THEMIS: variants seen among roughly 807,000 people sequenced by gnomAD.
THEMIS encodes the protein protein THEMIS.
THEMIS carries 37 observed loss-of-function variants against 52.6 expected under a neutral mutation model. The ratio of observed to expected loss-of-function variants is 0.70; its 90% CI spans 0.54 to 0.93. THEMIS has a LOEUF of 0.93. Ranked by LOEUF, THEMIS falls within the 40% of genes least tolerant of loss-of-function variation. THEMIS has a pLI of 0.00. For missense variants in THEMIS, 808 were observed against 763.1 expected (o/e 1.06, Z -0.69); for synonymous variants, 292 against 272.7 (o/e 1.07, Z -0.70).
At chr6:127,796,089 A>T (rs1777322019) in intron 4 of THEMIS, among the ~76,000 whole-genome samples, 1 of 152,222 alleles carries the variant, frequency 6.6e-6, no homozygotes, top group Non-Finnish European at 1.5e-5. Flanking sequence ...ATTATAGTGG[A>T]TCTGATTTCA....
intron 1 of THEMIS, among the ~76,000 whole-genome samples, chr6:127,867,390 T>C (rs187248057): frequency 3.0e-3 from 463 of 152,256 alleles, no homozygotes; most frequent in African/African-American, 0.01. Context: ...ACAAGGTTTC[T>C]ATTGAATTAT....
chr6:127,696,955 T>G, the THEMIS span, among the ~76,000 whole-genome samples: 55,051 of 151,872 alleles, frequency 0.36, 11,775 homozygotes, highest in Non-Finnish European at 0.5. Context: ...CTTCAATATA[T>G]GATTTTGGAC....
At chr6:127,876,089 G>T (rs1022476898) in intron 1 of THEMIS, among the ~76,000 whole-genome samples, 1 of 152,152 alleles carries the variant, frequency 6.6e-6, no homozygotes, top group Non-Finnish European at 1.5e-5. Flanking sequence ...AACTCAAGAA[G>T]AATATATTGG....
Position 127,709,320 on chromosome 6 carries a change from A to G in THEMIS, c.*665T>C, listed in dbSNP as rs1583184433. ...GACATCGTCTCAGAAATCTGGTGAAATTTCAGTCATGAGCTTGTTGTTGGG... is the reference window on the plus strand; with the variant it reads ...GACATCGTCTCAGAAATCTGGTGAAGTTTCAGTCATGAGCTTGTTGTTGGG... On this transcript the variant is annotated 3_prime_UTR_variant, in exon 6 of 6. Transcript: ENST00000368248. 1 of 152,178 alleles carries G rather than the reference A, an allele frequency of 6.6e-6. No homozygotes were observed. The highest frequency in any genetic ancestry group is 1.9e-4 in the East Asian group (1 of 5,168). 9.4% of individuals were successfully genotyped at this position (152,178 alleles called of 1,614,324 possible). A position where few individuals can be genotyped will look rare whatever the true frequency, so the allele number is the denominator to read the frequency against.
chr6:127,720,525 C>A (rs997135282), intron 4 of THEMIS, among the ~76,000 whole-genome samples: 3 of 151,868 alleles, frequency 2.0e-5, no homozygotes, highest in Non-Finnish European at 4.4e-5. Flanking sequence ...TTAATTCATA[C>A]CCAAGTCCAG....
chr6:127,742,274 C>T (rs1775227741), intron 4 of THEMIS, among the ~76,000 whole-genome samples: 4 of 146,554 alleles, frequency 2.7e-5, no homozygotes, highest in African/African-American at 1.0e-4. Flanking sequence ...GAGATCATGC[C>T]ACTGCACTCC....
chr6:127,780,063 T>C (rs1459059288), intron 4 of THEMIS, among the ~76,000 whole-genome samples: 1 of 152,204 alleles, frequency 6.6e-6, no homozygotes, highest in Non-Finnish European at 1.5e-5. Context: ...AAGAACTTGC[T>C]TTATGAATCT....
chr6:127,818,529 A>T (rs1778213982), intron 3 of THEMIS, among the ~76,000 whole-genome samples: 1 of 151,242 alleles, frequency 6.6e-6, no homozygotes, highest in African/African-American at 2.4e-5. Context: ...TAATATATCA[A>T]GTTAAGACAA....
At chr6:127,811,043 C>T (rs1260530396) in intron 4 of THEMIS, among the ~76,000 whole-genome samples, 1 of 151,964 alleles carries the variant, frequency 6.6e-6, no homozygotes, top group African/African-American at 2.4e-5. Context: ...AAAGCAAAAA[C>T]AAACAAACAA....
At chr6:127,748,206 A>G (rs1775514864) in intron 4 of THEMIS, among the ~76,000 whole-genome samples, 1 of 152,062 alleles carries the variant, frequency 6.6e-6, no homozygotes, top group South Asian at 2.1e-4. Flanking sequence ...TTCTGTTGCT[A>G]TAACAGTACC....
chr6:127,911,983 T>A (rs1781422913), intron 1 of THEMIS, among the ~76,000 whole-genome samples: 1 of 152,104 alleles, frequency 6.6e-6, no homozygotes, highest in Admixed American at 6.5e-5. Context: ...TCAGTTTGTC[T>A]GATGTTTTTC....
At chr6:127,776,758 G>T (rs1389288599) in intron 4 of THEMIS, among the ~76,000 whole-genome samples, 2 of 152,132 alleles carry the variant, frequency 1.3e-5, no homozygotes, top group Non-Finnish European at 2.9e-5. Flanking sequence ...ATACTTCTTG[G>T]TGAATGTTCT....
At chr6:127,740,214 C>T (rs1365764026) in intron 4 of THEMIS, among the ~76,000 whole-genome samples, 2 of 151,808 alleles carry the variant, frequency 1.3e-5, no homozygotes, top group African/African-American at 4.8e-5. Flanking sequence ...CAGGTGGGAA[C>T]AAAGGACATT....
rs1298841545 is a variant in THEMIS, at chr6:127,708,536, TGTTAG to T, written c.*1444_*1448del. 6.6e-6 allele frequency: 1 copy of T among 152,130 alleles called. No individual in the cohort carries two copies. Among genetic ancestry groups the T allele is most frequent in the Non-Finnish European group, 1.5e-5 (1 of 68,004 alleles). The allele number at this position is 152,130 out of a possible 1,614,324, so 9.4% of individuals were successfully genotyped here. A position where few individuals can be genotyped will look rare whatever the true frequency, so the allele number is the denominator to read the frequency against. ...CACCTATGGTGCAGTTTGTCAAGGC[TGTTAG>T]GTTAAGATTCGCTGTGGCCTTCAAT... On this transcript the variant is annotated 3_prime_UTR_variant, in exon 6 of 6. Coordinates refer to ENST00000368248, the MANE Select transcript of THEMIS (RefSeq NM_001010923.3).
chr6:127,894,821 GTAAC>G (rs1780915217), intron 1 of THEMIS, among the ~76,000 whole-genome samples: 1 of 151,320 alleles, frequency 6.6e-6, no homozygotes, highest in Non-Finnish European at 1.5e-5. Context: ...CAAAATTTAT[GTAAC>G]TCATTTTCGG....
At chr6:127,851,467 T>C (rs908851119) in intron 2 of THEMIS, among the ~76,000 whole-genome samples, 1 of 151,386 alleles carries the variant, frequency 6.6e-6, no homozygotes, top group Non-Finnish European at 1.5e-5. Flanking sequence ...ACCCCAAATA[T>C]GTAAAGAATT....
intron 4 of THEMIS, among the ~76,000 whole-genome samples, chr6:127,787,764 A>G (rs1339921018): frequency 6.6e-6 from 1 of 152,114 alleles, no homozygotes; most frequent in African/African-American, 2.4e-5. Flanking sequence ...TCTACTAACT[A>G]TATTTATAAG....
rs1330680289 is a variant in THEMIS at position 127,898,206 on chromosome 6, G to T, written c.91+2636C>A. 2.0e-5 allele frequency among the ~76,000 whole-genome samples: 3 copies of T among 151,674 alleles called. No individual in the cohort carries two copies. In the East Asian group the frequency reaches 5.8e-4, roughly 29 times the overall value. ...AGTTACATGAATGTGTTTACACTGT[G>T]AAAATGATCAAGGTATTTAGTTTTT... On this transcript the variant is annotated intron_variant, in intron 1 of 5. Coordinates refer to ENST00000368248, the MANE Select transcript of THEMIS (RefSeq NM_001010923.3).
At chr6:127,828,376 T>G (rs1778580014) in intron 3 of THEMIS, among the ~76,000 whole-genome samples, 2 of 152,194 alleles carry the variant, frequency 1.3e-5, no homozygotes, top group Admixed American at 1.3e-4. Context: ...TTGCCTCAAT[T>G]TTTTGTAATA....
Sources: gnomAD v4.1 joint callset for allele counts (sites outside exome capture counted in the v4.1 genomes callset) on GRCh38, gnomAD v4.1.1 for gene constraint, MANE v1.5 for transcripts, NCBI Gene and HGNC (gene_info 2026-07-23, HGNC 2026-07-21) for gene names.